Variants in CCSER2 observed in about 807,000 individuals in gnomAD.
CCSER2 encodes coiled-coil serine rich protein 2, also known as serine-rich coiled-coil domain-containing protein 2.
In CCSER2, 46 loss-of-function variants were observed where a neutral mutation model predicts 92.3. The observed-to-expected ratio is 0.50, with a 90% CI of 0.39 to 0.64. CCSER2 has a LOEUF of 0.64. Among genes scored for constraint, CCSER2 ranks in the 30% least tolerant of loss-of-function variants. CCSER2 has a pLI of 0.00. For synonymous variants in CCSER2, 433 were observed against 431.4 expected, an observed-to-expected ratio of 1.00 and a Z score of -0.04; for missense variants, 1,244 against 1,238.9, an observed-to-expected ratio of 1.00 and a Z score of -0.06.
intron 5 of CCSER2, among the ~76,000 whole-genome samples, chr10:84,437,168 G>GAGAC (rs1844218918): frequency 7.1e-6 from 1 of 140,190 alleles, no homozygotes; most frequent in Non-Finnish European, 1.6e-5. Flanking sequence ...GAGAGAGAGA[G>GAGAC]AGAGAGACAG....
At chr10:84,399,611 G>A (rs1165223598) in intron 3 of CCSER2, among the ~76,000 whole-genome samples, 3 of 152,082 alleles carry the variant, frequency 2.0e-5, no homozygotes, top group South Asian at 2.1e-4. Context: ...AACCTTCCTG[G>A]AGAATTTGTT....
intron 6 of CCSER2, among the ~76,000 whole-genome samples, chr10:84,451,697 A>G (rs1401688309): frequency 6.6e-6 from 1 of 152,198 alleles, no homozygotes; most frequent in Non-Finnish European, 1.5e-5. Flanking sequence ...TAAAAAATTT[A>G]AACAGAAAAA....
intron 6 of CCSER2, among the ~76,000 whole-genome samples, chr10:84,443,058 A>G (rs1306667417): frequency 1.3e-5 from 2 of 152,234 alleles, no homozygotes; most frequent in South Asian, 2.1e-4. Context: ...AAGAAAACCT[A>G]GGAAATACCA....
intron 9 of CCSER2, among the ~76,000 whole-genome samples, chr10:84,509,878 C>T (rs1447997460): frequency 6.6e-6 from 1 of 152,152 alleles, no homozygotes; most frequent in Non-Finnish European, 1.5e-5. Context: ...CAAGCCAATA[C>T]CTCATCTTGC....
At position 84,463,946 on chromosome 10, in the gene CCSER2, G is replaced by A; in HGVS notation, c.2078G>A (p.Gly693Asp). ...TCTTTCTGACAGCATGATGGAAGTG[G>A]TTCATTGCATGATATTCAACTGTCA... is the stretch of plus-strand genomic sequence containing the variant. The part of the protein sequence containing the change: ...KRLLHQHDGS[G>D]SLHDIQLSLP... The change falls in exon 7 of 10, where the codon GGT becomes GAT. Residue 693 changes from glycine to aspartate, a missense_variant. Gly to Asp is a moderately conservative substitution (Grantham distance 94). Coordinates refer to ENST00000372088, the MANE Select transcript of CCSER2 (RefSeq NM_001284240.2). 2 of 1,607,880 alleles carry A rather than the reference G, an allele frequency of 1.2e-6. No homozygotes were observed. The highest frequency in any genetic ancestry group is 1.7e-6 in the Non-Finnish European group (2 of 1,174,912).
intron 7 of CCSER2, among the ~76,000 whole-genome samples, chr10:84,469,419 T>C (rs1238975909): frequency 1.3e-5 from 2 of 152,132 alleles, no homozygotes; most frequent in African/African-American, 4.8e-5. Flanking sequence ...TTGTTTGGGA[T>C]GCTTATGTGA....
intron 3 of CCSER2, among the ~76,000 whole-genome samples, chr10:84,388,242 C>A (rs1841334401): frequency 6.6e-6 from 1 of 152,154 alleles, no homozygotes; most frequent in Non-Finnish European, 1.5e-5. Context: ...TATTAAGTTT[C>A]TTCTTAGTAT....
intron 4 of CCSER2, among the ~76,000 whole-genome samples, chr10:84,420,813 G>A (rs559050503): frequency 1.3e-5 from 2 of 151,472 alleles, no homozygotes; most frequent in African/African-American, 2.4e-5. Flanking sequence ...CGTGCCTGTA[G>A]TCTCAGTTAC....
intron 1 of CCSER2, 42 bp from the exon 2 acceptor site, chr10:84,370,972 T>C (rs541379445): frequency 1.1e-6 from 1 of 871,060 alleles, no homozygotes; most frequent in Admixed American, 3.1e-5. Flanking sequence ...GTAATTATCC[T>C]TATTTAGGAA....
chr10:84,378,465 G>A (rs1265542463), intron 3 of CCSER2, among the ~76,000 whole-genome samples: 2 of 125,978 alleles, frequency 1.6e-5, no homozygotes, highest in African/African-American at 6.1e-5. Flanking sequence ...ACGAAGTCTC[G>A]CTCTTCTCAC....
In CCSER2 at chr10:84,513,430, T is replaced by C. The variant is rs1849469506; in HGVS notation, c.2326-19T>C. Reference sequence around the variant, plus strand: ...AATTTCTAAGAACTTGCTGCTAATGTTGTTTTTAATTTTAACAGCCTCAAG... The same window carrying C: ...AATTTCTAAGAACTTGCTGCTAATGCTGTTTTTAATTTTAACAGCCTCAAG... On this transcript the variant is annotated intron_variant, in intron 9 of 9. Transcript: ENST00000372088. 1 of 1,549,704 alleles carries C rather than the reference T, an allele frequency of 6.5e-7. No individual in the cohort carries two copies. The highest frequency in any genetic ancestry group is 8.7e-7 in the Non-Finnish European group (1 of 1,143,938).
At chr10:84,439,862 G>C (rs980740247) in intron 6 of CCSER2, among the ~76,000 whole-genome samples, 1 of 152,344 alleles carries the variant, frequency 6.6e-6, no homozygotes, top group African/African-American at 2.4e-5. Context: ...TTGGTATATA[G>C]TGTTTTTCTG....
chr10:84,342,776 TGA>T (rs1844268650), intron 1 of CCSER2, among the ~76,000 whole-genome samples: 1 of 152,246 alleles, frequency 6.6e-6, no homozygotes, highest in Non-Finnish European at 1.5e-5. Context: ...ATCTATCTGT[TGA>T]CATAGTTCTT....
intron 7 of CCSER2, among the ~76,000 whole-genome samples, chr10:84,464,946 A>G (rs980500363): frequency 5.9e-5 from 9 of 152,210 alleles, no homozygotes; most frequent in Non-Finnish European, 1.3e-4. Context: ...AGAAGATTGT[A>G]TATAAAGCAA....
intron 1 of CCSER2, among the ~76,000 whole-genome samples, chr10:84,364,781 G>A (rs931829486): frequency 1.7e-5 from 2 of 115,264 alleles, no homozygotes; most frequent in African/African-American, 6.4e-5. Flanking sequence ...TGGCTCTTTT[G>A]TCCAGGCTGT....
intron 3 of CCSER2, chr10:84,389,446 G>A: frequency 2.3e-6 from 1 of 429,084 alleles, no homozygotes; most frequent in South Asian, 1.7e-5. Context: ...AAGGTACCAC[G>A]TCAATCTGGG....
chr10:84,461,074 C>T (rs1212918727), intron 6 of CCSER2, among the ~76,000 whole-genome samples: 1 of 151,796 alleles, frequency 6.6e-6, no homozygotes, highest in Non-Finnish European at 1.5e-5. Flanking sequence ...TATAATTTTC[C>T]CTTATCACTC....
chr10:84,391,424 C>T (rs576064133), intron 3 of CCSER2: 413 of 1,546,966 alleles, frequency 2.7e-4, no homozygotes, highest in Non-Finnish European at 3.3e-4. Flanking sequence ...GCTAGAAGTT[C>T]GACAGAGTTA....
intron 9 of CCSER2, among the ~76,000 whole-genome samples, chr10:84,491,236 A>T (rs1203740048): frequency 2.0e-5 from 3 of 152,134 alleles, no homozygotes. Context: ...CTCAAACCCC[A>T]TGCTGGGAGA....
Sources: allele counts gnomAD v4.1 joint callset (sites outside exome capture counted in the v4.1 genomes callset), GRCh38; gene constraint gnomAD v4.1.1; transcripts MANE v1.5; gene names NCBI Gene and HGNC (gene_info 2026-07-23, HGNC 2026-07-21).